Variants in ITPR1 observed in about 807,000 individuals in gnomAD.
ITPR1 encodes the protein inositol 1,4,5-trisphosphate receptor type 1.
A neutral mutation model predicts 318.4 loss-of-function variants in ITPR1; 96 were observed. That is an observed-to-expected ratio of 0.30 (90% CI 0.26 to 0.36). The LOEUF (loss-of-function observed/expected upper bound fraction) is 0.36, where lower values mean the gene tolerates loss of function less well. Ranked by LOEUF, ITPR1 falls within the 10% of genes least tolerant of loss-of-function variation. The pLI, the probability that ITPR1 is intolerant of heterozygous loss-of-function variation, is 1.00. For missense variants in ITPR1, 2,440 were observed against 3,460.2 expected (o/e 0.71, Z 7.40); for synonymous variants, 1,312 against 1,289.9 (o/e 1.02, Z -0.37).
At chr3:4,673,577 TTTTGTTTG>T (rs58112934) in intron 21 of ITPR1, among the ~76,000 whole-genome samples, 190 bp downstream of exon 21, 1 of 151,936 alleles carries the variant, frequency 6.6e-6, no homozygotes, top group African/African-American at 2.4e-5. Context: ...TGTTTTTGGT[TTTTGTTTG>T]TTTGTTTGTT....
intron 7 of ITPR1, among the ~76,000 whole-genome samples, chr3:4,642,598 G>C (rs777957353): frequency 1.3e-5 from 2 of 152,122 alleles, no homozygotes; most frequent in African/African-American, 4.8e-5. Flanking sequence ...TTTCTATTTT[G>C]GAAATAAAGT....
intron 60 of ITPR1, among the ~76,000 whole-genome samples, chr3:4,834,139 C>T (rs1329730199): frequency 6.6e-6 from 1 of 152,146 alleles, no homozygotes; most frequent in Non-Finnish European, 1.5e-5. Flanking sequence ...GCTATCCACC[C>T]ACCTCGGCCT....
chr3:4,797,235 CT>C (rs1248785878), intron 53 of ITPR1, among the ~76,000 whole-genome samples: 6 of 151,760 alleles, frequency 4.0e-5, no homozygotes, highest in African/African-American at 1.5e-4. Flanking sequence ...CAGAGGGATT[CT>C]TTTTTCCTTT....
At chr3:4,513,097 CA>C (rs992698814) in intron 2 of ITPR1, among the ~76,000 whole-genome samples, 2 of 152,116 alleles carry the variant, frequency 1.3e-5, no homozygotes, top group African/African-American at 4.8e-5. Context: ...TTCACAGGCA[CA>C]AATGGTCCAC....
At chr3:4,563,376 A>T (rs2086881631) in intron 4 of ITPR1, among the ~76,000 whole-genome samples, 1 of 152,046 alleles carries the variant, frequency 6.6e-6, no homozygotes, top group Non-Finnish European at 1.5e-5. Flanking sequence ...GGGCATGGTG[A>T]TGCACACCTG....
chr3:4,656,917 A>C (rs1352703593), intron 12 of ITPR1, among the ~76,000 whole-genome samples: 1 of 152,232 alleles, frequency 6.6e-6, no homozygotes, highest in Non-Finnish European at 1.5e-5. Flanking sequence ...CGAGCTGGCC[A>C]GTCTCTTCTG....
At chr3:4,824,458 C>T (rs570021145) in intron 60 of ITPR1, among the ~76,000 whole-genome samples, 1 of 152,240 alleles carries the variant, frequency 6.6e-6, no homozygotes, top group African/African-American at 2.4e-5. Context: ...CAGAACCCAC[C>T]CTCAGGTTGT....
chr3:4,611,053 C>CCCTCCCTCCCTT (rs1553644337), intron 4 of ITPR1, among the ~76,000 whole-genome samples: 1 of 106,116 alleles, frequency 9.4e-6, no homozygotes, highest in Non-Finnish European at 1.9e-5. Context: ...CTCCCTCCCT[C>CCCTCCCTCCCTT]CCTCCCTTCC....
At chr3:4,692,036 C>T (rs1376239269) in intron 32 of ITPR1, among the ~76,000 whole-genome samples, 1 of 151,938 alleles carries the variant, frequency 6.6e-6, no homozygotes, top group African/African-American at 2.4e-5. Flanking sequence ...TGCCCATAAT[C>T]CCAGTTACAG....
intron 55 of ITPR1, among the ~76,000 whole-genome samples, chr3:4,809,600 CTTTT>C (rs3838625): frequency 0.32 from 48,703 of 151,580 alleles, 8,212 homozygotes; most frequent in East Asian, 0.4. Flanking sequence ...TTCCTTTGTG[CTTTT>C]TTTTGTTTTC....
At chr3:4,759,820 C>A (rs1410079569) in intron 44 of ITPR1, among the ~76,000 whole-genome samples, 1 of 152,214 alleles carries the variant, frequency 6.6e-6, no homozygotes, top group Non-Finnish European at 1.5e-5. Context: ...TTCTCTTGCT[C>A]TTTTGTTGTG....
intron 4 of ITPR1, among the ~76,000 whole-genome samples, chr3:4,590,174 C>CTTTTTTTT (rs10713337): frequency 1.9e-4 from 17 of 87,454 alleles, no homozygotes; most frequent in Admixed American, 2.7e-4. Flanking sequence ...CTTCGTCTTG[C>CTTTTTTTT]TTTTTTTTTT....
intron 4 of ITPR1, among the ~76,000 whole-genome samples, chr3:4,617,830 C>CA (rs34216867): frequency 0.032 from 4,461 of 141,554 alleles, 189 homozygotes; most frequent in African/African-American, 0.1. Context: ...TTAAAAAATG[C>CA]AAAAAAAAAA....
intron 60 of ITPR1, among the ~76,000 whole-genome samples, chr3:4,824,323 A>G (rs1288862260): frequency 6.6e-6 from 1 of 152,182 alleles, no homozygotes; most frequent in Admixed American, 6.5e-5. Flanking sequence ...TCATCACAGC[A>G]TGGTAGGTGG....
At chr3:4,589,052 G>A (rs2090165015) in intron 4 of ITPR1, among the ~76,000 whole-genome samples, 1 of 152,158 alleles carries the variant, frequency 6.6e-6, no homozygotes, top group Admixed American at 6.5e-5. Context: ...AGCTGGGCAT[G>A]GTGGCGTGCA....
intron 4 of ITPR1, among the ~76,000 whole-genome samples, chr3:4,547,260 G>A (rs1408685558): frequency 1.3e-5 from 2 of 152,166 alleles, no homozygotes; most frequent in Admixed American, 1.3e-4. Context: ...GTTTTAAGAA[G>A]CACATAGATT....
At chr3:4,800,030 T>C (rs2048124709) in intron 53 of ITPR1, 1 of 175,520 alleles carries the variant, frequency 5.7e-6, no homozygotes, top group African/African-American at 2.4e-5. Flanking sequence ...ATGTGCAATC[T>C]GGTGAGAGAG....
chr3:4,515,364 T>C (rs545048991), intron 2 of ITPR1, among the ~76,000 whole-genome samples: 1 of 152,002 alleles, frequency 6.6e-6, no homozygotes, highest in East Asian at 1.9e-4. Context: ...CTGTGTGGGG[T>C]AAATGGCTTC....
intron 4 of ITPR1, among the ~76,000 whole-genome samples, chr3:4,568,951 G>C (rs531439466): frequency 6.6e-6 from 1 of 152,104 alleles, no homozygotes; most frequent in Non-Finnish European, 1.5e-5. Flanking sequence ...CATGGTGGAA[G>C]GTATGTCACA....
Sources: gnomAD v4.1 joint callset for allele counts (sites outside exome capture counted in the v4.1 genomes callset) on GRCh38, gnomAD v4.1.1 for gene constraint, MANE v1.5 for transcripts, NCBI Gene and HGNC (gene_info 2026-07-23, HGNC 2026-07-21) for gene names.